RYR2: variants seen among roughly 807,000 people sequenced by gnomAD.
The protein encoded by RYR2 is cardiac muscle ryanodine receptor-calcium release channel.
In RYR2, 227 loss-of-function variants were observed where a neutral mutation model predicts 601.1. That is an observed-to-expected ratio of 0.38 (90% CI 0.34 to 0.42). The LOEUF (loss-of-function observed/expected upper bound fraction) is 0.42, where lower values mean the gene tolerates loss of function less well. Ranked by LOEUF, RYR2 falls within the 10% of genes least tolerant of loss-of-function variation. RYR2 has a pLI of 1.00. For missense variants in RYR2, 4,646 were observed against 6,156.5 expected (o/e 0.75, Z 8.21); for synonymous variants, 2,223 against 2,175.1 (o/e 1.02, Z -0.61).
intron 1 of RYR2, among the ~76,000 whole-genome samples, chr1:237,265,792 A>G (rs1230654051): frequency 1.3e-5 from 2 of 152,218 alleles, no homozygotes; most frequent in Non-Finnish European, 2.9e-5. Context: ...TGTCAAAATG[A>G]GAGATAATTG....
intron 1 of RYR2, among the ~76,000 whole-genome samples, chr1:237,123,952 C>T (rs1671114833): frequency 1.3e-5 from 2 of 152,226 alleles, no homozygotes; most frequent in Admixed American, 1.3e-4. Flanking sequence ...TAAAGCAATG[C>T]TCTGGCAGAG....
In RYR2 at chr1:237,072,049, T is replaced by C. The variant is rs558454766; in HGVS notation, c.48+29480T>C. On this transcript the variant is annotated intron_variant, in intron 1 of 104. Coordinates refer to ENST00000366574, the MANE Select transcript of RYR2 (RefSeq NM_001035.3). Reference sequence around the variant, plus strand: ...TTCTGACCCTGCTGGGGGAAGAGGGTGTCCTGGGCCCCCAAGAGCACATGG... The same window carrying C: ...TTCTGACCCTGCTGGGGGAAGAGGGCGTCCTGGGCCCCCAAGAGCACATGG... Among the ~76,000 whole-genome samples the C allele has an allele frequency of 8.3e-3, 1,267 of 152,254 alleles. 17 individuals carry two copies. Among genetic ancestry groups the C allele is most frequent in the African/African-American group, 0.028 (1,183 of 41,538 alleles).
intron 3 of RYR2, among the ~76,000 whole-genome samples, chr1:237,346,106 C>G (rs887360143): frequency 5.3e-5 from 8 of 151,900 alleles, no homozygotes; most frequent in African/African-American, 1.9e-4. Context: ...TGGCTCATAC[C>G]TATAATCCCA....
chr1:237,742,260 T>C (rs1215438409), intron 79 of RYR2, 36 bp from the exon 80 acceptor site: 3 of 1,384,260 alleles, frequency 2.2e-6, no homozygotes, highest in Non-Finnish European at 9.9e-7. Context: ...TCTCAACATA[T>C]TCCTGTCTCC....
intron 2 of RYR2, among the ~76,000 whole-genome samples, chr1:237,288,823 C>G (rs1302738764): frequency 2.0e-5 from 3 of 152,062 alleles, no homozygotes; most frequent in African/African-American, 7.2e-5. Context: ...TGAGTTCTGG[C>G]CAGGAGGCCT....
chr1:237,261,457 GATGCTAAGTCC>G (rs1189751161), intron 1 of RYR2, among the ~76,000 whole-genome samples: 1 of 152,154 alleles, frequency 6.6e-6, no homozygotes, highest in Non-Finnish European at 1.5e-5. Context: ...ATTTTCTGAC[GATGCTAAGTCC>G]ATGCTTTCCT....
chr1:237,828,006 A>G (rs1358221965), intron 101 of RYR2, among the ~76,000 whole-genome samples: 1 of 147,000 alleles, frequency 6.8e-6, no homozygotes, highest in Non-Finnish European at 1.5e-5. Context: ...GTGATGTTTC[A>G]TTTCTACATT....
At chr1:237,139,057 A>G (rs901822018) in intron 1 of RYR2, among the ~76,000 whole-genome samples, 31 of 152,236 alleles carry the variant, frequency 2.0e-4, no homozygotes, top group African/African-American at 7.5e-4. Flanking sequence ...ATGAAAATAT[A>G]TATCCACACA....
At chr1:237,657,236 C>T (rs564802910) in intron 53 of RYR2, among the ~76,000 whole-genome samples, 1 of 152,090 alleles carries the variant, frequency 6.6e-6, no homozygotes, top group South Asian at 2.1e-4. Context: ...CTGTTAACTG[C>T]TGGAAAACAA....
intron 2 of RYR2, among the ~76,000 whole-genome samples, chr1:237,329,720 T>C (rs1294112567): frequency 6.6e-6 from 1 of 152,118 alleles, no homozygotes; most frequent in East Asian, 1.9e-4. Flanking sequence ...GTGCATATAT[T>C]GTGTAGTGGT....
chr1:237,148,179 T>G (rs534563740), intron 1 of RYR2, among the ~76,000 whole-genome samples: 4 of 152,256 alleles, frequency 2.6e-5, no homozygotes, highest in South Asian at 2.1e-4. Flanking sequence ...ATAAACAAGA[T>G]AGTTAATAAA....
chr1:237,661,506 AAAG>A (rs1025215786), intron 56 of RYR2, among the ~76,000 whole-genome samples: 8 of 152,138 alleles, frequency 5.3e-5, no homozygotes, highest in Non-Finnish European at 1.2e-4. Context: ...AAAAAATTTA[AAAG>A]AAGAAGAAGA....
At position 237,595,585 on chromosome 1, in the gene RYR2, C is replaced by T; in HGVS notation, c.4524C>T (p.Gly1508=). ...QGRNNNGLEI[G]CVVDAASGLL... ...GCAACAATAATGGACTGGAGATTGGCTGTGTGGTGGATGCTGCCAGCGGGC... is the reference window on the plus strand; with the variant it reads ...GCAACAATAATGGACTGGAGATTGGTTGTGTGGTGGATGCTGCCAGCGGGC... The change falls in exon 34 of 105, where the codon GGC becomes GGT. Residue 1508 remains glycine, a synonymous_variant. Coordinates refer to ENST00000366574, the MANE Select transcript of RYR2 (RefSeq NM_001035.3). The T allele has an allele frequency of 6.2e-7, 1 of 1,613,510 alleles. No homozygotes were observed. The highest frequency in any genetic ancestry group is 2.2e-5 in the East Asian group (1 of 44,820).
intron 42 of RYR2, among the ~76,000 whole-genome samples, chr1:237,633,312 T>A (rs1343086139): frequency 1.3e-5 from 2 of 152,192 alleles, no homozygotes; most frequent in Non-Finnish European, 2.9e-5. Flanking sequence ...TGAATCTGCC[T>A]TTCACCTTTG....
At chr1:237,573,231 T>C (rs966744875) in intron 29 of RYR2, among the ~76,000 whole-genome samples, 2 of 148,824 alleles carry the variant, frequency 1.3e-5, no homozygotes, top group Non-Finnish European at 3.0e-5. Context: ...GATATACACA[T>C]ACACACACAC....
chr1:237,259,761 T>A (rs181739683), intron 1 of RYR2, among the ~76,000 whole-genome samples: 1 of 152,244 alleles, frequency 6.6e-6, no homozygotes, highest in East Asian at 1.9e-4. Context: ...CCGTAAAATG[T>A]GAGGACTGAA....
In RYR2 at chr1:237,792,396, T is replaced by C. The variant is rs866403329; in HGVS notation, c.13782+73T>C. The C allele has an allele frequency of 5.5e-4, 384 of 698,236 alleles. 1 individual carries two copies. Among genetic ancestry groups the C allele is most frequent in the South Asian group, 2.1e-3 (92 of 43,236 alleles). 43.3% of individuals were successfully genotyped at this position (698,236 alleles called of 1,614,324 possible). ...GTGTGTGTGTGCGTGTGTGTGTGTG[T>C]GCGTGTGTGTGTGTGTGTGTGTGTG... On this transcript the variant is annotated intron_variant, in intron 94 of 104. Coordinates refer to ENST00000366574, the MANE Select transcript of RYR2 (RefSeq NM_001035.3).
intron 43 of RYR2, 137 bp downstream of exon 43, chr1:237,633,847 G>A (rs764929592): frequency 3.6e-6 from 3 of 841,966 alleles, no homozygotes; most frequent in Non-Finnish European, 5.2e-6. Flanking sequence ...TTGGCCAATA[G>A]GTATATGAAA....
At chr1:237,197,483 T>C (rs1174655630) in intron 1 of RYR2, among the ~76,000 whole-genome samples, 1 of 152,192 alleles carries the variant, frequency 6.6e-6, no homozygotes, top group East Asian at 1.9e-4. Flanking sequence ...TATTCAGATA[T>C]TGAGGCAAAG....
Sources: allele counts gnomAD v4.1 joint callset (sites outside exome capture counted in the v4.1 genomes callset), GRCh38; gene constraint gnomAD v4.1.1; transcripts MANE v1.5; gene names NCBI Gene and HGNC (gene_info 2026-07-23, HGNC 2026-07-21).